ACSM3: variants seen among roughly 807,000 people sequenced by gnomAD.
ACSM3 encodes acyl-coenzyme A synthetase ACSM3, mitochondrial.
A neutral mutation model predicts 74.1 loss-of-function variants in ACSM3; 61 were observed. The observed-to-expected ratio is 0.82, with a 90% CI of 0.67 to 1.02. The LOEUF is 1.02. Among genes scored for constraint, ACSM3 ranks in the 50% least tolerant of loss-of-function variants. The probability of loss-of-function intolerance (pLI) is 0.00; values close to 1 mark genes in which losing one functional copy is unlikely to be tolerated. For missense variants in ACSM3, 660 were observed against 697.0 expected (o/e 0.95, Z 0.60); for synonymous variants, 213 against 241.5 (o/e 0.88, Z 1.09).
intron 1 of ACSM3, chr16:20,729,117 A>C (rs2079817515): frequency 2.0e-6 from 1 of 490,292 alleles, no homozygotes; most frequent in South Asian, 2.6e-5. Context: ...CAAAATATAA[A>C]ATAAATAATT....
chr16:20,747,298 G>GGC (rs1446791589), intron 1 of ACSM3, among the ~76,000 whole-genome samples: 3 of 152,168 alleles, frequency 2.0e-5, no homozygotes, highest in African/African-American at 7.2e-5. Context: ...ATTTTGCAAA[G>GGC]TTTTATAAGT....
intron 1 of ACSM3, among the ~76,000 whole-genome samples, chr16:20,675,168 T>G (rs1206362904): frequency 6.6e-6 from 1 of 151,878 alleles, no homozygotes; most frequent in African/African-American, 2.4e-5. Flanking sequence ...AAGTGGTGTG[T>G]GTATGTGTGT....
At chr16:20,728,163 G>A (rs1482891355) in intron 1 of ACSM3, 2 of 306,860 alleles carry the variant, frequency 6.5e-6, no homozygotes, top group Non-Finnish European at 1.3e-5. Flanking sequence ...CCTCTCAATG[G>A]GAATAATTTG....
intron 4 of ACSM3, chr16:20,779,767 C>T (rs1259339526): frequency 6.5e-6 from 1 of 152,680 alleles, no homozygotes; most frequent in African/African-American, 2.7e-5. Context: ...TCACGGTCAG[C>T]AAACTTTTTT....
At chr16:20,677,230 A>G (rs1460798144) in intron 1 of ACSM3, among the ~76,000 whole-genome samples, 6 of 151,774 alleles carry the variant, frequency 4.0e-5, no homozygotes, top group Non-Finnish European at 8.8e-5. Flanking sequence ...AGAAATTAAA[A>G]AAAAAAAAAA....
At chr16:20,720,945 C>T (rs1048693843) in intron 1 of ACSM3, 2 of 152,184 alleles carry the variant, frequency 1.3e-5, no homozygotes, top group Admixed American at 6.5e-5. Context: ...ATTTGAGCCT[C>T]CTCACAAATG....
In ACSM3 at chr16:20,777,451, G is replaced by T; in HGVS notation, c.509G>T (p.Cys170Phe). 2 of 1,613,938 alleles carry T rather than the reference G, an allele frequency of 1.2e-6. No individual in the cohort carries two copies. The highest frequency in any genetic ancestry group is 1.7e-6 in the Non-Finnish European group (2 of 1,179,940). The change falls in exon 4 of 14, where the codon TGC becomes TTC. Residue 170 changes from cysteine to phenylalanine, a missense_variant. Cys to Phe is a radical substitution (Grantham distance 205). Transcript: ENST00000289416. The part of the protein sequence containing the change: ...LYRLQSSKAN[C>F]IITNDVLAPA... ...AGACTACAATCTTCAAAAGCAAACT[G>T]CATTATCACCAATGATGTTTTAGCC...
intron 1 of ACSM3, among the ~76,000 whole-genome samples, chr16:20,683,126 A>AT (rs60633738): frequency 2.0e-4 from 29 of 148,228 alleles, no homozygotes; most frequent in Non-Finnish European, 2.7e-4. Context: ...TTATTTATTT[A>AT]TTTTTTTTTA....
At chr16:20,701,850 T>A (rs2079713668) in intron 1 of ACSM3, among the ~76,000 whole-genome samples, 1 of 152,232 alleles carries the variant, frequency 6.6e-6, no homozygotes, top group South Asian at 2.1e-4. Flanking sequence ...GCTTCATCCA[T>A]GTCCCTGCAA....
rs150586545 is a variant in ACSM3, at chr16:20,772,473, C to T, written c.219+2220C>T. On this transcript the variant is annotated intron_variant, in intron 2 of 13. Transcript: ENST00000289416. Reference sequence around the variant, plus strand: ...TGAAGCATTTACACTATATTTTCTTCGGTTGTTTTATAGTTTTGAGTCTTA... The same window carrying T: ...TGAAGCATTTACACTATATTTTCTTTGGTTGTTTTATAGTTTTGAGTCTTA... Among the ~76,000 whole-genome samples, 656 of 152,138 alleles carry T rather than the reference C, an allele frequency of 4.3e-3. 3 individuals carry two copies. Among genetic ancestry groups the T allele is most frequent in the Middle Eastern group, 0.024 (7 of 294 alleles).
chr16:20,741,470 C>G (rs2079921251), intron 1 of ACSM3: 12 of 1,449,892 alleles, frequency 8.3e-6, no homozygotes, highest in Non-Finnish European at 1.0e-5. Context: ...TCCCGCAAGG[C>G]CTGGCAGCCG....
intron 1 of ACSM3, among the ~76,000 whole-genome samples, chr16:20,686,170 AC>A (rs2079550571): frequency 6.6e-6 from 1 of 152,188 alleles, no homozygotes; most frequent in Admixed American, 6.5e-5. Context: ...TCACAATAAA[AC>A]AAAACAAAAG....
intron 1 of ACSM3, chr16:20,737,741 CAT>C (rs2079882693): frequency 1.2e-6 from 2 of 1,613,646 alleles, no homozygotes; most frequent in African/African-American, 1.3e-5. Flanking sequence ...TCTCTATTCA[CAT>C]GACTGTTATT....
chr16:20,785,381 AAAGAAAG>A (rs769605305), intron 8 of ACSM3, among the ~76,000 whole-genome samples: 27 of 152,200 alleles, frequency 1.8e-4, no homozygotes, highest in Middle Eastern at 3.2e-3. Flanking sequence ...GGATCTACTG[AAAGAAAG>A]AATTCCTCCC....
At chr16:20,742,722 T>C (rs1374365379) in intron 1 of ACSM3, among the ~76,000 whole-genome samples, 1 of 150,474 alleles carries the variant, frequency 6.6e-6, no homozygotes, top group East Asian at 2.0e-4. Context: ...CACGGACAAG[T>C]GGCTGACTCT....
At chr16:20,753,137 GA>G (rs575410850) in intron 2 of ACSM3, among the ~76,000 whole-genome samples, 18 of 143,412 alleles carry the variant, frequency 1.3e-4, no homozygotes, top group Non-Finnish European at 1.7e-4. Flanking sequence ...ACACTGAGTT[GA>G]AAAAAAAAAA....
chr16:20,685,062 C>G (rs2079521799), intron 1 of ACSM3: 1 of 908,674 alleles, frequency 1.1e-6, no homozygotes, highest in Non-Finnish European at 1.7e-6. Flanking sequence ...TTTGTGGTCC[C>G]AGCACAGAAA....
chr16:20,789,519 ATAT>A (rs747034792), intron 9 of ACSM3: 1 of 1,613,748 alleles, frequency 6.2e-7, no homozygotes, highest in African/African-American at 1.3e-5. Context: ...CTGTTTACTC[ATAT>A]TGGGCTTCTG....
Position 20,758,118 on chromosome 16 carries a change from C to T in ACSM3, c.-52+2502C>T, listed in dbSNP as rs529453193. ...TCTCTTTTTTGGTTGTGTCTCTGCCCGGCTTTGGTATCAGGATGATGTTGG... is the reference window on the plus strand; with the variant it reads ...TCTCTTTTTTGGTTGTGTCTCTGCCTGGCTTTGGTATCAGGATGATGTTGG... On this transcript the variant is annotated intron_variant, in intron 3 of 3. Coordinates refer to the ACSM3 transcript ENST00000561584. Among the ~76,000 whole-genome samples the T allele has an allele frequency of 5.2e-3, 794 of 152,218 alleles. 6 individuals carry two copies. The highest frequency in any genetic ancestry group is 6.0e-3 in the Non-Finnish European group (405 of 68,002).
Sources: gnomAD v4.1 joint callset for allele counts (sites outside exome capture counted in the v4.1 genomes callset) on GRCh38, gnomAD v4.1.1 for gene constraint, MANE v1.5 for transcripts, NCBI Gene and HGNC (gene_info 2026-07-23, HGNC 2026-07-21) for gene names.